Variants in ZNF423 observed in about 807,000 individuals in gnomAD.
The protein encoded by ZNF423 is zinc finger protein 423, also known as Ebf-associated zinc finger protein.
In ZNF423, 12 loss-of-function variants were observed where a neutral mutation model predicts 95.8. The observed-to-expected ratio is 0.13, with a 90% CI of 0.08 to 0.20. ZNF423 has a LOEUF of 0.20. ZNF423 is among the 10% of genes least tolerant of loss of function. The pLI is 1.00. For missense variants in ZNF423, 1,316 were observed against 1,737.1 expected, an observed-to-expected ratio of 0.76 and a Z score of 4.31; for synonymous variants, 749 against 711.9, an observed-to-expected ratio of 1.05 and a Z score of -0.83.
chr16:49,560,189 A>G (rs1235979465), intron 5 of ZNF423, among the ~76,000 whole-genome samples: 1 of 152,240 alleles, frequency 6.6e-6, no homozygotes, highest in East Asian at 1.9e-4. Context: ...AGCTGTCACC[A>G]GGAGCCAGTG....
At chr16:49,651,205 T>TG (rs1406835947) in intron 3 of ZNF423, among the ~76,000 whole-genome samples, 1 of 150,802 alleles carries the variant, frequency 6.6e-6, no homozygotes, top group Non-Finnish European at 1.5e-5. Context: ...TTTTTTTTTT[T>TG]TGTAGAGACA....
intron 3 of ZNF423, among the ~76,000 whole-genome samples, chr16:49,647,169 G>T (rs113391490): frequency 6.6e-6 from 1 of 152,156 alleles, no homozygotes; most frequent in Admixed American, 6.5e-5. Flanking sequence ...ACAGTACCAG[G>T]CCCCGTGACT....
intron 5 of ZNF423, among the ~76,000 whole-genome samples, chr16:49,569,729 G>T (rs146670381): frequency 6.6e-6 from 1 of 152,100 alleles, no homozygotes; most frequent in Non-Finnish European, 1.5e-5. Flanking sequence ...TGGAGTGCCC[G>T]TGGAAAAAAA....
intron 5 of ZNF423, among the ~76,000 whole-genome samples, chr16:49,532,220 G>C (rs920624494): frequency 2.6e-5 from 4 of 152,156 alleles, no homozygotes; most frequent in Admixed American, 1.3e-4. Flanking sequence ...CTTTGAAGAG[G>C]CTGCTGGAGA....
intron 3 of ZNF423, among the ~76,000 whole-genome samples, chr16:49,677,051 C>G (rs565265429): frequency 8.0e-4 from 121 of 151,558 alleles, no homozygotes; most frequent in Non-Finnish European, 1.2e-3. Flanking sequence ...AACCCCATCT[C>G]TACTAAAAAT....
intron 5 of ZNF423, among the ~76,000 whole-genome samples, chr16:49,621,801 C>T (rs952528819): frequency 6.6e-6 from 1 of 152,202 alleles, no homozygotes; most frequent in Non-Finnish European, 1.5e-5. Context: ...TGCCTCTCAC[C>T]ATTTCCCCAG....
intron 3 of ZNF423, among the ~76,000 whole-genome samples, chr16:49,712,658 C>T (rs1331795633): frequency 6.6e-6 from 1 of 152,252 alleles, no homozygotes; most frequent in African/African-American, 2.4e-5. Flanking sequence ...GAACCTCGGC[C>T]TGCAGCCGCC....
At chr16:49,785,555 T>C (rs1462442598) in intron 2 of ZNF423, among the ~76,000 whole-genome samples, 1 of 152,270 alleles carries the variant, frequency 6.6e-6, no homozygotes, top group Non-Finnish European at 1.5e-5. Context: ...TTTTTATTTT[T>C]TTAAGAATCT....
At chr16:49,677,289 A>AAGAGG (rs2031123417) in intron 3 of ZNF423, among the ~76,000 whole-genome samples, 1 of 92,976 alleles carries the variant, frequency 1.1e-5, no homozygotes, top group Non-Finnish European at 2.2e-5. Context: ...AAGAGAAGAG[A>AAGAGG]AGAGAAGAGA....
chr16:49,772,792 G>A lies in ZNF423; in HGVS notation c.100+16695C>T, dbSNP rs112778247. Among the ~76,000 whole-genome samples the A allele has an allele frequency of 6.1e-4, 93 of 152,324 alleles. 1 individual carries two copies. Among genetic ancestry groups the A allele is most frequent in the African/African-American group, 2.2e-3 (92 of 41,574 alleles). On this transcript the variant is annotated intron_variant, in intron 2 of 7. Transcript: ENST00000563137. Reference sequence around the variant, plus strand: ...ACAGAGACCAACACCCGAGGGAACAGCAGATTCTCACCCACATCACAGGTT... The same window carrying A: ...ACAGAGACCAACACCCGAGGGAACAACAGATTCTCACCCACATCACAGGTT...
At chr16:49,630,082 G>C (rs544686996) in intron 4 of ZNF423, among the ~76,000 whole-genome samples, 2 of 152,282 alleles carry the variant, frequency 1.3e-5, no homozygotes, top group South Asian at 4.2e-4. Flanking sequence ...CCACAGCCTG[G>C]GGCCCAGACA....
intron 1 of ZNF423, among the ~76,000 whole-genome samples, chr16:49,815,793 T>C (rs1353891402): frequency 6.7e-6 from 1 of 149,146 alleles, no homozygotes; most frequent in African/African-American, 2.5e-5. Context: ...CCTGATTGCT[T>C]TGAAGAACAG....
chr16:49,736,489 A>G (rs1014257883), intron 2 of ZNF423, among the ~76,000 whole-genome samples: 2 of 152,158 alleles, frequency 1.3e-5, no homozygotes, highest in Non-Finnish European at 2.9e-5. Flanking sequence ...TTTCACCTCA[A>G]TCATGTTTCG....
At chr16:49,612,943 T>C (rs12919426) in intron 5 of ZNF423, among the ~76,000 whole-genome samples, 33,053 of 149,950 alleles carry the variant, frequency 0.22, 3,883 homozygotes, top group South Asian at 0.39. Context: ...AAAATTAAAA[T>C]AATTAGATAC....
chr16:49,824,591 G>C (rs1191844309), intron 1 of ZNF423, among the ~76,000 whole-genome samples: 1 of 152,200 alleles, frequency 6.6e-6, no homozygotes, highest in Non-Finnish European at 1.5e-5. Context: ...TTTCAGGAAG[G>C]CAGGAGCACT....
At chr16:49,557,002 T>C (rs1265155988) in intron 5 of ZNF423, among the ~76,000 whole-genome samples, 1 of 152,236 alleles carries the variant, frequency 6.6e-6, no homozygotes, top group Non-Finnish European at 1.5e-5. Context: ...CTGTCTCTCA[T>C]ATCTGACTGT....
chr16:49,756,859 C>T (rs1206806822), intron 2 of ZNF423, among the ~76,000 whole-genome samples: 1 of 152,168 alleles, frequency 6.6e-6, no homozygotes, highest in Non-Finnish European at 1.5e-5. Context: ...CCAGCATGCG[C>T]GGGGAGGGGC....
At position 49,689,590 on chromosome 16, in the gene ZNF423, G is replaced by A. The variant is rs368117170; in HGVS notation, c.301+41181C>T. ...CGAGGGGTGTCACAGTGTCTGTGAC[G>A]GAACAAGGATATTGCCCTCTCCCTA... On this transcript the variant is annotated intron_variant, in intron 3 of 7. Transcript: ENST00000563137. Among the ~76,000 whole-genome samples, 22 of 152,082 alleles carry A rather than the reference G, an allele frequency of 1.4e-4. 1 individual carries two copies. Among genetic ancestry groups the A allele is most frequent in the East Asian group, 1.4e-3 (7 of 5,164 alleles).
intron 1 of ZNF423, among the ~76,000 whole-genome samples, chr16:49,807,833 G>C (rs1456147202): frequency 6.6e-6 from 1 of 152,188 alleles, no homozygotes; most frequent in Non-Finnish European, 1.5e-5. Flanking sequence ...CTGGGCACAG[G>C]CTCCAGAGCA....
Sources: allele counts gnomAD v4.1 joint callset (sites outside exome capture counted in the v4.1 genomes callset), GRCh38; gene constraint gnomAD v4.1.1; transcripts MANE v1.5; gene names NCBI Gene and HGNC (gene_info 2026-07-23, HGNC 2026-07-21).